Variants in TBCD observed in about 807,000 individuals in gnomAD.
TBCD encodes the protein tubulin folding cofactor D, also known as tubulin-specific chaperone D.
A neutral mutation model predicts 169.3 loss-of-function variants in TBCD; 105 were observed. The observed-to-expected ratio is 0.62, with a 90% CI of 0.53 to 0.73. The LOEUF (loss-of-function observed/expected upper bound fraction) is 0.73. Ranked by LOEUF, TBCD falls within the 30% of genes least tolerant of loss-of-function variation. The pLI, the probability that TBCD is intolerant of heterozygous loss-of-function variation, is 0.00. For missense variants in TBCD, 1,444 were observed against 1,600.1 expected, an observed-to-expected ratio of 0.90 and a Z score of 1.66; for synonymous variants, 700 against 643.9, an observed-to-expected ratio of 1.09 and a Z score of -1.32.
chr17:82,758,400 A>ATAAATAAAT (rs1555672640), intron 2 of TBCD, among the ~76,000 whole-genome samples: 2 of 100,032 alleles, frequency 2.0e-5, no homozygotes, highest in African/African-American at 3.6e-5. Context: ...AAAAAAAAAA[A>ATAAATAAAT]AAATAAATAA....
Position 82,781,622 on chromosome 17 carries a change from G to A in TBCD, c.672G>A (p.Lys224=). 1 of 1,613,876 alleles carries A rather than the reference G, an allele frequency of 6.2e-7. No individual in the cohort carries two copies. The highest frequency in any genetic ancestry group is 1.7e-5 in the Admixed American group (1 of 60,010). Reference sequence around the variant, plus strand: ...CACGTCCTGATGTCAAGCAAAGCAAGATGGCTGAGTTCCTGGACTGGAGCC... The same window carrying A: ...CACGTCCTGATGTCAAGCAAAGCAAAATGGCTGAGTTCCTGGACTGGAGCC... ...FITRPDVKQS[K]MAEFLDWSLC... The change falls in exon 7 of 39, where the codon AAG becomes AAA. Residue 224 remains lysine, a synonymous_variant. Coordinates refer to ENST00000355528, the MANE Select transcript of TBCD (RefSeq NM_005993.5).
intron 13 of TBCD, among the ~76,000 whole-genome samples, chr17:82,816,524 CCAA>C (rs2051918594): frequency 6.6e-6 from 1 of 152,108 alleles, no homozygotes; most frequent in Non-Finnish European, 1.5e-5. Flanking sequence ...CTGATCCTCA[CCAA>C]CACTTGCTTT....
intron 2 of TBCD, among the ~76,000 whole-genome samples, chr17:82,758,688 G>A (rs1336493115): frequency 2.1e-5 from 2 of 96,134 alleles, no homozygotes; most frequent in Non-Finnish European, 3.8e-5. Context: ...TTGAGATGTA[G>A]TCTCTCTGTT....
At chr17:82,934,031 C>T (rs551116132) in intron 34 of TBCD, among the ~76,000 whole-genome samples, 44 of 152,336 alleles carry the variant, frequency 2.9e-4, no homozygotes, top group East Asian at 1.5e-3. Context: ...GGGGCAGTGC[C>T]GGGGCTTCTG....
At chr17:82,828,246 G>A (rs1321953989) in intron 13 of TBCD, among the ~76,000 whole-genome samples, 4 of 106,838 alleles carry the variant, frequency 3.7e-5, no homozygotes, top group Admixed American at 2.3e-4. Context: ...CCACAGATAT[G>A]CACATGTGCA....
At chr17:82,881,846 G>T (rs2058372822) in intron 14 of TBCD, among the ~76,000 whole-genome samples, 1 of 152,206 alleles carries the variant, frequency 6.6e-6, no homozygotes, top group South Asian at 2.1e-4. Context: ...ATGAATTTCT[G>T]TTTTTATTGT....
intron 24 of TBCD, 136 bp from the exon 25 acceptor site, chr17:82,921,365 T>C: frequency 5.5e-6 from 4 of 724,120 alleles, no homozygotes; most frequent in Non-Finnish European, 9.9e-6. Flanking sequence ...GAATGTTCAC[T>C]TTGGCTTTTC....
chr17:82,879,314 G>C (rs149284919), intron 14 of TBCD, among the ~76,000 whole-genome samples: 4 of 152,078 alleles, frequency 2.6e-5, no homozygotes, highest in African/African-American at 9.6e-5. Context: ...ACAGACACCA[G>C]CTCTAGCCCA....
rs570430686 is a variant in TBCD, at chr17:82,769,448, A to G, written c.582+882A>G. ...CTAGGAGGCTGTCAGGCTCTGAGCC[A>G]TCTCAGTTGTCTCGGTCTTCCTGCC... On this transcript the variant is annotated intron_variant, in intron 5 of 38. Coordinates refer to ENST00000355528, the MANE Select transcript of TBCD (RefSeq NM_005993.5). 4.9e-4 allele frequency among the ~76,000 whole-genome samples: 75 copies of G among 152,326 alleles called. 1 individual carries two copies. The South Asian group carries it at 0.015, about 31-fold the overall frequency.
rs1480293800 is a variant in TBCD at position 82,864,070 on chromosome 17, TGTCTTA to T, written c.1319-6153_1319-6148del. Among the ~76,000 whole-genome samples the T allele has an allele frequency of 6.6e-5, 10 of 152,342 alleles. No individual in the cohort carries two copies. Among genetic ancestry groups the T allele is most frequent in the African/African-American group, 2.2e-4 (9 of 41,586 alleles). On this transcript the variant is annotated intron_variant, in intron 13 of 38. Coordinates refer to ENST00000355528, the MANE Select transcript of TBCD (RefSeq NM_005993.5). This position sits in a 1 kb window ranked among gnomAD's most constrained non-coding sequence, Gnocchi z 6.3. Reference sequence around the variant, plus strand: ...CCTCCTAACCAGTGTTCTTAGGGGCTGTCTTACCAGTGAAGGGAGCTGCCTGCTGTT... The same window carrying T: ...CCTCCTAACCAGTGTTCTTAGGGGCTCCAGTGAAGGGAGCTGCCTGCTGTT...
intron 2 of TBCD, among the ~76,000 whole-genome samples, chr17:82,759,137 C>T (rs1474123558): frequency 6.6e-6 from 1 of 152,148 alleles, no homozygotes; most frequent in Non-Finnish European, 1.5e-5. Flanking sequence ...ACTTCAGCCT[C>T]CTGCAGAGCT....
At position 82,781,845 on chromosome 17, in the gene TBCD, C is replaced by G. The variant is rs976833589; in HGVS notation, c.771+124C>G. 1.2e-5 allele frequency: 17 copies of G among 1,452,684 alleles called. No individual in the cohort carries two copies. In the East Asian group the frequency reaches 3.5e-4, roughly 30 times the overall value. The allele number at this position is 1,452,684 out of a possible 1,614,324, so 90.0% of individuals were successfully genotyped here. A position where few individuals can be genotyped will look rare whatever the true frequency, so the allele number is the denominator to read the frequency against. ...TGGAACCCCGTGGGATTGATTTAACCGGGCCAGGGTCTTGGGCAGTTTCCT... is the reference window on the plus strand; with the variant it reads ...TGGAACCCCGTGGGATTGATTTAACGGGGCCAGGGTCTTGGGCAGTTTCCT... On this transcript the variant is annotated intron_variant, in intron 7 of 38. Coordinates refer to ENST00000355528, the MANE Select transcript of TBCD (RefSeq NM_005993.5).
rs1308259099 is a variant in TBCD, at chr17:82,930,545, C to G, written c.3015C>G (p.Leu1005=). 1.9e-6 allele frequency: 3 copies of G among 1,613,734 alleles called. No homozygotes were observed. The highest frequency in any genetic ancestry group is 1.7e-4 in the Middle Eastern group (1 of 6,058). Residue 1005 remains leucine, a synonymous_variant, in exon 33 of 39, where the codon CTC becomes CTG. Transcript: ENST00000355528. This position sits in a 1 kb window ranked among gnomAD's most constrained non-coding sequence, Gnocchi z 5.2. ...ESTIRHSTQS[L]FEYMKGIQSD... The stretch of plus-strand genomic sequence containing the variant: ...AGATCCGGCACTCCACCCAGAGCCT[C>G]TTTGAGTACATGAAGGGCATTCAGA...
rs187692706 is a variant in TBCD, at chr17:82,814,861, G to A, written c.1245G>A (p.Ala415=). The A allele has an allele frequency of 8.7e-5, 141 of 1,613,878 alleles. No individual in the cohort carries two copies. The Admixed American group carries it at 1.6e-3, about 18-fold the overall frequency. Reference sequence around the variant, plus strand: ...TCAGTTTCCAGGAGACTGACAAGGCGTGGCATGGGGGATGTCTGGCGCTGG... The same window carrying A: ...TCAGTTTCCAGGAGACTGACAAGGCATGGCATGGGGGATGTCTGGCGCTGG... ...DCFSFQETDK[A]WHGGCLALAE... is the part of the protein sequence containing the mutation. The change falls in exon 13 of 39, where the codon GCG becomes GCA. Residue 415 remains alanine (A), a synonymous_variant. Transcript: ENST00000355528.
At chr17:82,881,931 T>TC (rs1235281557) in intron 14 of TBCD, among the ~76,000 whole-genome samples, 1 of 145,266 alleles carries the variant, frequency 6.9e-6, no homozygotes, top group Non-Finnish European at 1.5e-5. Flanking sequence ...CCTCCCTTCC[T>TC]CCCTCCCTCC....
intron 17 of TBCD, among the ~76,000 whole-genome samples, chr17:82,898,608 C>T (rs1446214293): frequency 2.7e-5 from 4 of 145,778 alleles, no homozygotes; most frequent in Non-Finnish European, 6.0e-5. Context: ...GGGAAGCCTC[C>T]TGTTGGTAAG....
At chr17:82,932,596 T>C in intron 33 of TBCD, 62 bp from the exon 34 acceptor site, 1 of 1,393,978 alleles carries the variant, frequency 7.2e-7, no homozygotes, top group Non-Finnish European at 1.0e-6. Context: ...CTCTCAGCCA[T>C]TCAGGGAGTT....
At chr17:82,819,537 T>C (rs1264775844) in intron 13 of TBCD, among the ~76,000 whole-genome samples, 1 of 148,554 alleles carries the variant, frequency 6.7e-6, no homozygotes, top group African/African-American at 2.6e-5. Flanking sequence ...TCTACAAAAA[T>C]TGTTTTAAAA....
rs2049047160 is a variant in TBCD at position 82,782,932 on chromosome 17, CG to C, written c.771+1213del. The stretch of plus-strand genomic sequence containing the variant: ...TGCGGTGTCGTCTTCCTGTCCATGG[CG>C]GCCTCCTGTCCGCGGTGCCCTCCTG... On this transcript the variant is annotated intron_variant, in intron 7 of 38. Coordinates refer to ENST00000355528, the MANE Select transcript of TBCD (RefSeq NM_005993.5). The surrounding 1 kb of genome is among the most constrained non-coding windows in gnomAD (Gnocchi z 5.1). Among the ~76,000 whole-genome samples, 1 of 150,514 alleles carries C rather than the reference CG, an allele frequency of 6.6e-6. No individual in the cohort carries two copies. The highest frequency in any genetic ancestry group is 2.5e-5 in the African/African-American group (1 of 40,790).
Sources: gnomAD v4.1 joint callset for allele counts (sites outside exome capture counted in the v4.1 genomes callset) on GRCh38, gnomAD v4.1.1 for gene constraint, Gnocchi (gnomAD v3.1) non-coding constraint, MANE v1.5 for transcripts, NCBI Gene and HGNC (gene_info 2026-07-23, HGNC 2026-07-21) for gene names.